The following CHRM5 variants were observed in gnomAD, a reference collection of about 807,000 sequenced individuals.
CHRM5 encodes cholinergic receptor muscarinic 5.
A neutral mutation model predicts 39.0 loss-of-function variants in CHRM5; 18 were observed. That is an observed-to-expected ratio of 0.46 (90% CI 0.32 to 0.68). The LOEUF (loss-of-function observed/expected upper bound fraction) is 0.68. CHRM5 is among the 30% of genes least tolerant of loss of function. CHRM5 has a pLI of 0.04. For missense variants in CHRM5, 515 were observed against 651.1 expected (o/e 0.79, Z 2.28); for synonymous variants, 241 against 246.3 (o/e 0.98, Z 0.20).
At chr15:34,019,692 G>C (rs1233561416) in intron 1 of CHRM5, among the ~76,000 whole-genome samples, 1 of 152,150 alleles carries the variant, frequency 6.6e-6, no homozygotes, top group African/African-American at 2.4e-5. Flanking sequence ...TGATATAACT[G>C]TCTACAGTAT....
chr15:34,010,933 C>G (rs1280857518), intron 1 of CHRM5, among the ~76,000 whole-genome samples: 1 of 152,142 alleles, frequency 6.6e-6, no homozygotes, highest in East Asian at 1.9e-4. Context: ...CAACAACTTA[C>G]ACTACTTTTT....
Position 34,058,484 on chromosome 15 carries a change from G to C in CHRM5, c.-75-4159G>C, listed in dbSNP as rs529958323. On this transcript the variant is annotated intron_variant, in intron 2 of 2. Coordinates refer to ENST00000383263, the MANE Select transcript of CHRM5 (RefSeq NM_012125.4). ...CCTGAGAAATCAGGAGAGAGAGAGA[G>C]CCAATTTCCCAAACAGGCCACTATA... 2.6e-5 allele frequency among the ~76,000 whole-genome samples: 4 copies of C among 151,652 alleles called. No individual in the cohort carries two copies. In the South Asian group the frequency reaches 8.3e-4, roughly 32 times the overall value.
intron 1 of CHRM5, among the ~76,000 whole-genome samples, chr15:34,043,119 C>T (rs1899545924): frequency 6.6e-6 from 1 of 151,808 alleles, no homozygotes; most frequent in Non-Finnish European, 1.5e-5. Flanking sequence ...TGGTGACGGG[C>T]GCCTGTAGTC....
At chr15:34,019,085 A>C (rs1470887666) in intron 1 of CHRM5, among the ~76,000 whole-genome samples, 1 of 152,078 alleles carries the variant, frequency 6.6e-6, no homozygotes, top group African/African-American at 2.4e-5. Flanking sequence ...TCCTTTAGCT[A>C]GACACAGAGT....
chr15:34,021,718 G>A (rs1898207300), intron 1 of CHRM5, among the ~76,000 whole-genome samples: 2 of 152,104 alleles, frequency 1.3e-5, no homozygotes, highest in Non-Finnish European at 1.5e-5. Flanking sequence ...AACTGGACAT[G>A]GTGGCAGGTG....
intron 1 of CHRM5, among the ~76,000 whole-genome samples, chr15:34,006,422 T>C (rs1427685471): frequency 1.3e-5 from 2 of 152,136 alleles, no homozygotes; most frequent in African/African-American, 2.4e-5. Flanking sequence ...TGTTGGCCCA[T>C]TGGGTGAACA....
chr15:34,058,888 T>C (rs896695248), intron 2 of CHRM5, among the ~76,000 whole-genome samples: 1 of 152,104 alleles, frequency 6.6e-6, no homozygotes, highest in Non-Finnish European at 1.5e-5. Context: ...TAGTCCAATT[T>C]CCTTTTTTTC....
chr15:33,974,997 T>C (rs1169343490), intron 1 of CHRM5, among the ~76,000 whole-genome samples: 1 of 152,106 alleles, frequency 6.6e-6, no homozygotes, highest in African/African-American at 2.4e-5. Flanking sequence ...ACAACAGATT[T>C]TGAGTTTTGA....
At chr15:34,060,972 C>T (rs1028408719) in intron 2 of CHRM5, among the ~76,000 whole-genome samples, 2 of 150,748 alleles carry the variant, frequency 1.3e-5, no homozygotes, top group African/African-American at 2.4e-5. Context: ...GCCGAGATAG[C>T]GCCACTGTAC....
chr15:34,017,892 G>A (rs184817581), intron 1 of CHRM5, among the ~76,000 whole-genome samples: 61 of 152,264 alleles, frequency 4.0e-4, no homozygotes, highest in Admixed American at 9.8e-4. Context: ...GGTCCCATAA[G>A]GTTATAATGG....
chr15:34,000,342 C>G (rs1233371422), intron 1 of CHRM5, among the ~76,000 whole-genome samples: 1 of 152,192 alleles, frequency 6.6e-6, no homozygotes, highest in Non-Finnish European at 1.5e-5. Context: ...AAGCCAATAG[C>G]TGGAACAATG....
At chr15:33,981,537 T>C (rs1896144583) in intron 1 of CHRM5, among the ~76,000 whole-genome samples, 1 of 152,110 alleles carries the variant, frequency 6.6e-6, no homozygotes, top group Non-Finnish European at 1.5e-5. Context: ...AACAATGAAA[T>C]GGCTCATTTT....
In CHRM5 at chr15:34,063,805, T is replaced by G; in HGVS notation, c.1088T>G (p.Leu363Arg). ...KSDYDTPNYL[L>R]SPAAAHRPKS... ...GACTATGACACCCCAAACTACCTTC[T>G]GTCTCCAGCAGCTGCTCATAGACCC... Residue 363 changes from leucine to arginine, a missense_variant, in exon 3 of 3, where the codon CTG (leucine) becomes CGG (arginine). Leu to Arg is a moderately radical substitution (Grantham distance 102, BLOSUM62 -2). Transcript: ENST00000383263. The surrounding 1 kb of genome is among the most constrained non-coding windows in gnomAD (Gnocchi z 4.1). 6.2e-7 allele frequency: 1 copy of G among 1,614,254 alleles called. No homozygotes were observed. Among genetic ancestry groups the G allele is most frequent in the African/African-American group, 1.3e-5 (1 of 75,062 alleles).
In CHRM5 at chr15:34,039,207, A is replaced by G. The variant is rs539352964; in HGVS notation, c.-407-7333A>G. On this transcript the variant is annotated intron_variant, in intron 1 of 2. Transcript: ENST00000383263. ...TAGGGATCGAGGCCGGCCGCAGCGG[A>G]GCGGGGCGGGGCGGGGCGGCCGGCG... 38 of 565,442 alleles carry G rather than the reference A, an allele frequency of 6.7e-5. No homozygotes were observed. The South Asian group carries it at 2.2e-3, about 32-fold the overall frequency. 35.0% of individuals were successfully genotyped at this position (565,442 alleles called of 1,614,324 possible).
intron 1 of CHRM5, among the ~76,000 whole-genome samples, chr15:33,974,371 C>A (rs1278122934): frequency 6.6e-6 from 1 of 152,208 alleles, no homozygotes; most frequent in Non-Finnish European, 1.5e-5. Context: ...AGGAATGAAT[C>A]TTTGCAAGTT....
intron 1 of CHRM5, among the ~76,000 whole-genome samples, chr15:34,003,918 T>C (rs4779652): frequency 0.15 from 22,693 of 152,270 alleles, 2,136 homozygotes; most frequent in Middle Eastern, 0.27. Context: ...ATGTTATATA[T>C]TGACTCAAAT....
chr15:34,034,446 T>TA (rs34205777), intron 1 of CHRM5, among the ~76,000 whole-genome samples: 70,150 of 143,434 alleles, frequency 0.49, 19,241 homozygotes, highest in Non-Finnish European at 0.63. Context: ...GTTTCTTTTT[T>TA]AAAAAAAAAA....
At chr15:34,036,875 C>T (rs928678066) in intron 1 of CHRM5, among the ~76,000 whole-genome samples, 3 of 152,010 alleles carry the variant, frequency 2.0e-5, no homozygotes, top group Non-Finnish European at 2.9e-5. Flanking sequence ...CTTGGGAGGC[C>T]GAGGCGGGTG....
chr15:34,019,092 G>T (rs545107921), intron 1 of CHRM5, among the ~76,000 whole-genome samples: 30 of 152,260 alleles, frequency 2.0e-4, no homozygotes, highest in African/African-American at 6.7e-4. Flanking sequence ...GCTAGACACA[G>T]AGTGCTGATT....
Sources: allele counts gnomAD v4.1 joint callset (sites outside exome capture counted in the v4.1 genomes callset), GRCh38; gene constraint gnomAD v4.1.1; non-coding constraint Gnocchi (gnomAD v3.1); transcripts MANE v1.5; gene names NCBI Gene and HGNC (gene_info 2026-07-23, HGNC 2026-07-21).